ZNF577: variants seen among roughly 807,000 people sequenced by gnomAD.
The protein encoded by ZNF577 is zinc finger protein 577.
In ZNF577, 14 loss-of-function variants were observed where a neutral mutation model predicts 13.9. The ratio of observed to expected loss-of-function variants is 1.00; its 90% CI spans 0.66 to 1.57. The LOEUF is 1.57. Among genes scored for constraint, ZNF577 ranks in the 40% most tolerant of loss-of-function variants. The pLI is 0.00. For synonymous variants in ZNF577, 203 were observed against 202.9 expected (o/e 1.00, Z 0.00); for missense variants, 555 against 579.2 (o/e 0.96, Z 0.43).
intron 5 of ZNF577, among the ~76,000 whole-genome samples, chr19:51,847,423 T>C (rs1234278345): frequency 6.6e-6 from 1 of 152,024 alleles, no homozygotes; most frequent in Non-Finnish European, 1.5e-5. Flanking sequence ...AGACACCTAC[T>C]TTCAAGTGGA....
intron 1 of ZNF577, among the ~76,000 whole-genome samples, chr19:51,884,092 G>T (rs565061889): frequency 3.3e-5 from 5 of 152,102 alleles, no homozygotes; most frequent in South Asian, 4.2e-4. Context: ...GATAAGGAAA[G>T]AAATTATTAT....
intron 9 of ZNF577, among the ~76,000 whole-genome samples, chr19:51,815,228 C>T (rs979567823): frequency 1.3e-5 from 2 of 152,050 alleles, no homozygotes; most frequent in Non-Finnish European, 2.9e-5. Context: ...CACCCATTGA[C>T]TTTCAGGAAG....
chr19:51,855,631 T>C (rs1211429011), intron 5 of ZNF577, among the ~76,000 whole-genome samples: 1 of 152,108 alleles, frequency 6.6e-6, no homozygotes, highest in East Asian at 1.9e-4. Flanking sequence ...CGTTTAACAA[T>C]TTTTCAGAGC....
chr19:51,843,354 T>A (rs1168142991), intron 6 of ZNF577: 1 of 152,288 alleles, frequency 6.6e-6, no homozygotes, highest in African/African-American at 2.4e-5. Context: ...GGAGTTAATA[T>A]AATAAAATTC....
At chr19:51,885,154 G>A (rs2084923782) in intron 1 of ZNF577, among the ~76,000 whole-genome samples, 1 of 152,138 alleles carries the variant, frequency 6.6e-6, no homozygotes, top group African/African-American at 2.4e-5. Flanking sequence ...AACCTTTCAG[G>A]GGTTGGGACT....
At chr19:51,837,719 G>A (rs938275117) in intron 9 of ZNF577, among the ~76,000 whole-genome samples, 1 of 151,884 alleles carries the variant, frequency 6.6e-6, no homozygotes, top group African/African-American at 2.4e-5. Context: ...TGGGGAAAGG[G>A]GATCAATAAT....
intron 5 of ZNF577, among the ~76,000 whole-genome samples, chr19:51,857,262 G>GC (rs1219610385): frequency 6.6e-6 from 1 of 151,322 alleles, no homozygotes; most frequent in Non-Finnish European, 1.5e-5. Context: ...TCGTGCCACC[G>GC]CATTTCAGCC....
intron 9 of ZNF577, among the ~76,000 whole-genome samples, chr19:51,830,840 T>C (rs1488266277): frequency 6.6e-6 from 1 of 152,180 alleles, no homozygotes; most frequent in Non-Finnish European, 1.5e-5. Flanking sequence ...AATGTGTTCC[T>C]ATAACTTGAA....
At chr19:51,836,145 A>T (rs1282622918) in intron 9 of ZNF577, among the ~76,000 whole-genome samples, 1 of 152,190 alleles carries the variant, frequency 6.6e-6, no homozygotes, top group Non-Finnish European at 1.5e-5. Flanking sequence ...AATAATAAAA[A>T]CCTTTGTTTC....
intron 9 of ZNF577, among the ~76,000 whole-genome samples, chr19:51,835,409 A>AT (rs2059153700): frequency 7.7e-6 from 1 of 129,520 alleles, no homozygotes; most frequent in Admixed American, 8.0e-5. Flanking sequence ...ATCAATACCC[A>AT]TTAAAAAAAA....
At chr19:51,861,287 G>GTTTTTTTT (rs557987704) in intron 5 of ZNF577, 1 of 146,182 alleles carries the variant, frequency 6.8e-6, no homozygotes, top group Non-Finnish European at 1.5e-5. Context: ...CTGGCTATTT[G>GTTTTTTTT]TTTTTTTTTT....
At chr19:51,815,633 C>G (rs1555740902) in intron 9 of ZNF577, among the ~76,000 whole-genome samples, 2 of 151,558 alleles carry the variant, frequency 1.3e-5, no homozygotes, top group Non-Finnish European at 2.9e-5. Flanking sequence ...TTTGTGAGGC[C>G]AAGGTGGGCA....
At chr19:51,844,351 T>TGAAGAG (rs1599850137) in intron 6 of ZNF577, among the ~76,000 whole-genome samples, 3 of 152,240 alleles carry the variant, frequency 2.0e-5, no homozygotes, top group South Asian at 2.1e-4. Context: ...ACACAAAAAC[T>TGAAGAG]GAAGAGGAAG....
rs149704895 is a variant in ZNF577 at position 51,849,786 on chromosome 19, A to G, written c.284-4855T>C. Among the ~76,000 whole-genome samples the G allele has an allele frequency of 3.4e-3, 525 of 152,368 alleles. 2 individuals are homozygous for G. Among genetic ancestry groups the G allele is most frequent in the African/African-American group, 0.012 (505 of 41,578 alleles). On this transcript the variant is annotated intron_variant and NMD_transcript_variant, in intron 5 of 10. Transcript: ENST00000638827. ...ATTAAGCATTTACCCAAAAGAAATGAGAAGTTATTCAAAATAGTGAAAAAC... is the reference window on the plus strand; with the variant it reads ...ATTAAGCATTTACCCAAAAGAAATGGGAAGTTATTCAAAATAGTGAAAAAC...
At chr19:51,823,173 A>C (rs1190995822) in intron 9 of ZNF577, among the ~76,000 whole-genome samples, 1 of 152,160 alleles carries the variant, frequency 6.6e-6, no homozygotes. Context: ...TATAGCATGT[A>C]ATATATGTCT....
At position 51,877,449 on chromosome 19, in the gene ZNF577, C is replaced by G. The variant is rs111868808; in HGVS notation, c.188-72G>C. On this transcript the variant is annotated intron_variant, in intron 4 of 5. Coordinates refer to ENST00000638348, the MANE Select transcript of ZNF577 (RefSeq NM_001370449.1). ...TGGATGAAGATGGAGAGGGTTATGT[C>G]TCAGGAACCACAGCATTTGCACTTT... The G allele has an allele frequency of 3.0e-3, 3,764 of 1,253,902 alleles. 89 individuals are homozygous for G. The African/African-American group carries it at 0.05, about 17-fold the overall frequency. The allele number at this position is 1,253,902 out of a possible 1,614,324, so 77.7% of individuals were successfully genotyped here. A position where few individuals can be genotyped will look rare whatever the true frequency, so the allele number is the denominator to read the frequency against.
At chr19:51,821,350 G>A (rs1015060464) in intron 9 of ZNF577, among the ~76,000 whole-genome samples, 5 of 152,178 alleles carry the variant, frequency 3.3e-5, no homozygotes, top group Non-Finnish European at 4.4e-5. Context: ...TGCCTCCCAC[G>A]GGACCTTTGA....
In ZNF577 at chr19:51,887,941, T is replaced by G. The variant is rs1263217839; in HGVS notation, c.-1339A>C. 2 of 152,150 alleles carry G rather than the reference T, an allele frequency of 1.3e-5. No homozygotes were observed. The highest frequency in any genetic ancestry group is 2.9e-5 in the Non-Finnish European group (2 of 68,028). 9.4% of individuals were successfully genotyped at this position (152,150 alleles called of 1,614,324 possible). Reference sequence around the variant, plus strand: ...ACCCCACACACTGCAGACGCGACACTCGCAAGTTTCGGGGATGGCGGCCGG... The same window carrying G: ...ACCCCACACACTGCAGACGCGACACGCGCAAGTTTCGGGGATGGCGGCCGG... On this transcript the variant is annotated 5_prime_UTR_variant, in exon 1 of 6. Coordinates refer to ENST00000638348, the MANE Select transcript of ZNF577 (RefSeq NM_001370449.1).
intron 5 of ZNF577, among the ~76,000 whole-genome samples, chr19:51,847,608 G>A (rs140090130): frequency 6.6e-6 from 1 of 152,052 alleles, no homozygotes; most frequent in African/African-American, 2.4e-5. Flanking sequence ...CACGAGAAAC[G>A]AGAGAATGGT....
Sources: gnomAD v4.1 joint callset for allele counts (sites outside exome capture counted in the v4.1 genomes callset) on GRCh38, gnomAD v4.1.1 for gene constraint, MANE v1.5 for transcripts, NCBI Gene and HGNC (gene_info 2026-07-23, HGNC 2026-07-21) for gene names.